B4GALNT2: variants seen among roughly 807,000 people sequenced by gnomAD.
The protein encoded by B4GALNT2 is N-acetylneuraminylgalactosylglucosyl-glucoside beta-1,4-N- acetylgalactosaminyltransferase 2.
Under a neutral mutation model 51.1 loss-of-function variants are expected in B4GALNT2, and 42 were observed. The observed-to-expected ratio is 0.82, with a 90% CI of 0.64 to 1.06. B4GALNT2 has a LOEUF of 1.06. Among genes scored for constraint, B4GALNT2 ranks in the 50% least tolerant of loss-of-function variants. The pLI is 0.00. For synonymous variants in B4GALNT2, 253 were observed against 251.7 expected (o/e 1.01, Z -0.05); for missense variants, 602 against 633.6 (o/e 0.95, Z 0.54).
chr17:49,145,576 G>A (rs2042687206), intron 3 of B4GALNT2, among the ~76,000 whole-genome samples: 1 of 152,178 alleles, frequency 6.6e-6, no homozygotes, highest in African/African-American at 2.4e-5. Flanking sequence ...CTTGCCTTCA[G>A]CAAGCACCTC....
At chr17:49,162,374 A>G (rs2042872845) in intron 7 of B4GALNT2, among the ~76,000 whole-genome samples, 1 of 152,220 alleles carries the variant, frequency 6.6e-6, no homozygotes, top group Non-Finnish European at 1.5e-5. Context: ...CACACTGAGA[A>G]AAGTGCATAT....
At chr17:49,132,893 G>C (rs1266419518) in intron 1 of B4GALNT2, 87 bp downstream of exon 1, 1 of 1,377,970 alleles carries the variant, frequency 7.3e-7, no homozygotes, top group Non-Finnish European at 9.4e-7. Context: ...CTGCAGAGCG[G>C]GCAGGTGCTG....
chr17:49,163,933 TAACA>T (rs2144335106), intron 7 of B4GALNT2, among the ~76,000 whole-genome samples, 151 bp from the exon 8 acceptor site: 1 of 152,192 alleles, frequency 6.6e-6, no homozygotes, highest in East Asian at 1.9e-4. Context: ...CTAATGCAAC[TAACA>T]AACTCTTATT....
In B4GALNT2 at chr17:49,174,931, A is replaced by G. The variant is rs1335977318; in HGVS notation, c.*5203A>G. 6.6e-6 allele frequency: 1 copy of G among 152,200 alleles called. No homozygotes were observed. Among genetic ancestry groups the G allele is most frequent in the Non-Finnish European group, 1.5e-5 (1 of 68,032 alleles). 9.4% of individuals were successfully genotyped at this position (152,200 alleles called of 1,614,324 possible). ...ACCATACGTTGACTTTGAGGGCTAT[A>G]CAATTGCTCTAGAATTAGAACTTGT... On this transcript the variant is annotated 3_prime_UTR_variant, in exon 11 of 11. Transcript: ENST00000393354.
At chr17:49,133,020 C>A in intron 1 of B4GALNT2, 1 of 1,480,828 alleles carries the variant, frequency 6.8e-7, no homozygotes, top group East Asian at 2.7e-5. Context: ...CTCTGCACCC[C>A]CAGGAATGGG....
rs113870107 is a variant in B4GALNT2, at chr17:49,162,679, T to G, written c.767-1409T>G. Among the ~76,000 whole-genome samples the G allele has an allele frequency of 2.9e-3, 433 of 151,728 alleles. 2 individuals are homozygous for G. Among genetic ancestry groups the G allele is most frequent in the African/African-American group, 0.01 (417 of 41,372 alleles). ...ATCCCAGCACTTTGGGAGGCCGAGG[T>G]GAGCAGATCACTTGAGGTCAGGAGT... is the stretch of plus-strand genomic sequence containing the variant. On this transcript the variant is annotated intron_variant, in intron 7 of 10. Transcript: ENST00000393354.
At position 49,154,734 on chromosome 17, in the gene B4GALNT2, G is replaced by C. The variant is rs75034541; in HGVS notation, c.460+1828G>C. ...GAGATGAGAATGACTGCCTGAGACAGAGGGGGATGCAGGACATCAACAGAT... is the reference window on the plus strand; with the variant it reads ...GAGATGAGAATGACTGCCTGAGACACAGGGGGATGCAGGACATCAACAGAT... On this transcript the variant is annotated intron_variant, in intron 4 of 10. Coordinates refer to ENST00000393354, the MANE Select transcript of B4GALNT2 (RefSeq NM_001159387.2). 3.1e-4 allele frequency among the ~76,000 whole-genome samples: 47 copies of C among 152,168 alleles called. No homozygotes were observed. In the East Asian group the frequency reaches 9.1e-3, roughly 29 times the overall value.
chr17:49,129,345 G>C (rs2042526127), upstream of B4GALNT2, among the ~76,000 whole-genome samples: 1 of 152,168 alleles, frequency 6.6e-6, no homozygotes, highest in African/African-American at 2.4e-5. Flanking sequence ...AGCCTTGCAG[G>C]CCCTTTCAGG....
the B4GALNT2 span, among the ~76,000 whole-genome samples, chr17:49,125,687 C>G: frequency 8.8e-6 from 1 of 113,722 alleles, no homozygotes; most frequent in Non-Finnish European, 2.0e-5. Context: ...GTGGCCGCCC[C>G]GTCTGGGAGG....
At chr17:49,137,992 G>A (rs1443327777) in intron 1 of B4GALNT2, among the ~76,000 whole-genome samples, 1 of 152,142 alleles carries the variant, frequency 6.6e-6, no homozygotes, top group Admixed American at 6.5e-5. Flanking sequence ...AACATAAAGT[G>A]AGCAGGCAAA....
At chr17:49,148,493 C>T in intron 3 of B4GALNT2, 1 of 313,004 alleles carries the variant, frequency 3.2e-6, no homozygotes, top group Non-Finnish European at 6.3e-6. Context: ...GACCTTCAGG[C>T]AGAGACCTGC....
Position 49,141,917 on chromosome 17 carries a change from T to C in B4GALNT2, c.216-118T>C, listed in dbSNP as rs1238841938. 7 of 1,317,448 alleles carry C rather than the reference T, an allele frequency of 5.3e-6. No homozygotes were observed. The Admixed American group carries it at 5.4e-5, about 10-fold the overall frequency. The allele number at this position is 1,317,448 out of a possible 1,614,324, so 81.6% of individuals were successfully genotyped here. A position where few individuals can be genotyped will look rare whatever the true frequency, so the allele number is the denominator to read the frequency against. On this transcript the variant is annotated intron_variant, in intron 2 of 10. Coordinates refer to ENST00000393354, the MANE Select transcript of B4GALNT2 (RefSeq NM_001159387.2). ...CCAGGGTCTCATCATCTCAGAACAGTTGGGTGTAGGAAAGAAGATTTTCAG... is the reference window on the plus strand; with the variant it reads ...CCAGGGTCTCATCATCTCAGAACAGCTGGGTGTAGGAAAGAAGATTTTCAG...
In B4GALNT2 at chr17:49,168,901, G is replaced by T. The variant is rs780590980; in HGVS notation, c.1315+1G>T. ...CGCCTGCAACGAGTGGCTCACTCAG[G>T]TGGGAAGGCTGAAAGAGTGAGGGAG... On this transcript the variant is annotated splice_donor_variant, in intron 10 of 10. Transcript: ENST00000393354. LOFTEE classifies it high-confidence loss of function. 9 of 1,611,304 alleles carry T rather than the reference G, an allele frequency of 5.6e-6. No homozygotes were observed. In the East Asian group the frequency reaches 1.8e-4, roughly 32 times the overall value.
chr17:49,132,764 C>T (rs2042550631), upstream of B4GALNT2: 5 of 1,389,168 alleles, frequency 3.6e-6, no homozygotes, highest in Non-Finnish European at 3.7e-6. Context: ...TCCGTGACAT[C>T]CGGCAGTCTG....
chr17:49,144,844 G>T (rs980811962), intron 3 of B4GALNT2, among the ~76,000 whole-genome samples: 1 of 152,140 alleles, frequency 6.6e-6, no homozygotes, highest in Non-Finnish European at 1.5e-5. Context: ...CCCACAACAG[G>T]CTGTCTGCAA....
In B4GALNT2 at chr17:49,171,814, C is replaced by CATTCATT; in HGVS notation, c.*2090_*2096dup. On this transcript the variant is annotated 3_prime_UTR_variant, in exon 11 of 11. Transcript: ENST00000393354. ...GCAATGCAATCTTCCCAAACAAGTACATTCATTATTTCTGGCCAGGTCTAA... is the reference window on the plus strand; with the variant it reads ...GCAATGCAATCTTCCCAAACAAGTACATTCATTATTCATTATTTCTGGCCAGGTCTAA... 2.5e-6 allele frequency: 1 copy of CATTCATT among 402,286 alleles called. No individual in the cohort carries two copies. The highest frequency in any genetic ancestry group is 4.8e-6 in the Non-Finnish European group (1 of 209,858). The allele number at this position is 402,286 out of a possible 1,614,324, so 24.9% of individuals were successfully genotyped here.
At chr17:49,143,876 G>C (rs1471555124) in intron 3 of B4GALNT2, among the ~76,000 whole-genome samples, 1 of 152,150 alleles carries the variant, frequency 6.6e-6, no homozygotes, top group Admixed American at 6.6e-5. Flanking sequence ...GGTTGGGCAT[G>C]GTGGCTCACG....
chr17:49,142,427 T>A (rs1158811159), intron 3 of B4GALNT2, among the ~76,000 whole-genome samples: 1 of 152,166 alleles, frequency 6.6e-6, no homozygotes, highest in Non-Finnish European at 1.5e-5. Flanking sequence ...TGGTGACACA[T>A]GTCTGTCATT....
intron 9 of B4GALNT2, among the ~76,000 whole-genome samples, chr17:49,167,610 T>TC (rs1353633630): frequency 1.4e-5 from 2 of 142,030 alleles, no homozygotes; most frequent in Non-Finnish European, 3.1e-5. Context: ...CACCTACTCT[T>TC]TTTTTTTTTT....
Sources: allele counts gnomAD v4.1 joint callset (sites outside exome capture counted in the v4.1 genomes callset), GRCh38; gene constraint gnomAD v4.1.1; transcripts MANE v1.5; gene names NCBI Gene and HGNC (gene_info 2026-07-23, HGNC 2026-07-21).